The following ITIH2 variants were observed in gnomAD, a reference collection of about 807,000 sequenced individuals.
The protein encoded by ITIH2 is inter-alpha-trypsin inhibitor heavy chain H2.
ITIH2 carries 103 observed loss-of-function variants against 104.4 expected under a neutral mutation model. The observed-to-expected ratio is 0.99, with a 90% CI of 0.84 to 1.16. The LOEUF (loss-of-function observed/expected upper bound fraction) is 1.16. Among genes scored for constraint, ITIH2 ranks in the 50% most tolerant of loss-of-function variants. The pLI, the probability that ITIH2 is intolerant of heterozygous loss-of-function variation, is 0.00. For synonymous variants in ITIH2, 436 were observed against 435.4 expected, an observed-to-expected ratio of 1.00 and a Z score of -0.02; for missense variants, 1,108 against 1,162.4, an observed-to-expected ratio of 0.95 and a Z score of 0.68.
chr10:7,714,973 T>G (rs1834834207), intron 5 of ITIH2, among the ~76,000 whole-genome samples: 1 of 152,098 alleles, frequency 6.6e-6, no homozygotes, highest in Non-Finnish European at 1.5e-5. Flanking sequence ...ATCGCCGGAT[T>G]TTGGTATACT....
rs1427683552 is a variant in ITIH2 at position 7,703,388 on chromosome 10, T to C, written c.-47T>C. The C allele has an allele frequency of 2.3e-6, 3 of 1,307,746 alleles. No individual in the cohort carries two copies. The highest frequency in any genetic ancestry group is 3.3e-6 in the Non-Finnish European group (3 of 900,956). 81.0% of individuals were successfully genotyped at this position (1,307,746 alleles called of 1,614,324 possible). Reference sequence around the variant, plus strand: ...GGTTCAGTAGGAAGAAGTGATATCCTCCCCAGACCATCTGCTTTGGGGAGC... The same window carrying C: ...GGTTCAGTAGGAAGAAGTGATATCCCCCCCAGACCATCTGCTTTGGGGAGC... On this transcript the variant is annotated 5_prime_UTR_variant, in exon 1 of 21. Coordinates refer to ENST00000358415, the MANE Select transcript of ITIH2 (RefSeq NM_002216.3).
At chr10:7,732,994 TG>T (rs1835018540) in intron 14 of ITIH2, among the ~76,000 whole-genome samples, 1 of 152,192 alleles carries the variant, frequency 6.6e-6, no homozygotes, top group South Asian at 2.1e-4. Flanking sequence ...CCCAAAGTAC[TG>T]GGATTACAGG....
At chr10:7,713,954 AC>A (rs1208049560) in intron 5 of ITIH2, among the ~76,000 whole-genome samples, 1 of 152,004 alleles carries the variant, frequency 6.6e-6, no homozygotes, top group Non-Finnish European at 1.5e-5. Flanking sequence ...CTCCCAAAGT[AC>A]TGGGATTACG....
rs759911015 is a variant in ITIH2 at position 7,717,660 on chromosome 10, G to A, written c.502G>A (p.Glu168Lys). 5 of 1,614,016 alleles carry A rather than the reference G, an allele frequency of 3.1e-6. No individual in the cohort carries two copies. Among genetic ancestry groups the A allele is most frequent in the Non-Finnish European group, 3.4e-6 (4 of 1,179,976 alleles). The change falls in exon 6 of 21, where the codon GAA becomes AAA. Residue 168 changes from glutamate to lysine, a missense_variant. Coordinates refer to ENST00000358415, the MANE Select transcript of ITIH2 (RefSeq NM_002216.3). ...TCTTGATATGGAAAACTTCAGAACG[G>A]AAGTAAATGTCCTCCCAGGAGCAAA... ...SALDMENFRT[E>K]VNVLPGAKVQ...
At chr10:7,722,881 G>A (rs535609806) in intron 8 of ITIH2, among the ~76,000 whole-genome samples, 1 of 152,218 alleles carries the variant, frequency 6.6e-6, no homozygotes, top group Non-Finnish European at 1.5e-5. Context: ...CTCCTGACGG[G>A]AGGTGCTCTG....
Position 7,748,521 on chromosome 10 carries a change from C to CTTTTTTTTTTTTTTTTTT in ITIH2, c.2694-646_2694-629dup, listed in dbSNP as rs549517172. Among the ~76,000 whole-genome samples, 31 of 27,132 alleles carry CTTTTTTTTTTTTTTTTTT rather than the reference C, an allele frequency of 1.1e-3. 12 individuals are homozygous for CTTTTTTTTTTTTTTTTTT. The highest frequency in any genetic ancestry group is 1.4e-3 in the Non-Finnish European group (21 of 15,258). The allele number at this position is 27,132 out of a possible 152,430, so 17.8% of individuals were successfully genotyped here. A position where few individuals can be genotyped will look rare whatever the true frequency, so the allele number is the denominator to read the frequency against. On this transcript the variant is annotated intron_variant, in intron 20 of 20. Coordinates refer to ENST00000358415, the MANE Select transcript of ITIH2 (RefSeq NM_002216.3). ...AGTTAAGAGGTGCCGCCAATGCATTCTTTTTTTTTTTTTTTTTTTTTTTTT... is the reference window on the plus strand; with the variant it reads ...AGTTAAGAGGTGCCGCCAATGCATTCTTTTTTTTTTTTTTTTTTTTTTTTTTTTTTTTTTTTTTTTTTT...
chr10:7,739,234 G>A (rs976949849), intron 16 of ITIH2, among the ~76,000 whole-genome samples: 1 of 152,206 alleles, frequency 6.6e-6, no homozygotes, highest in Non-Finnish European at 1.5e-5. Flanking sequence ...AGCTCCTTGC[G>A]TTGCAGCCTT....
chr10:7,703,777 T>G (rs76999034), intron 1 of ITIH2, among the ~76,000 whole-genome samples: 13 of 152,208 alleles, frequency 8.5e-5, no homozygotes, highest in African/African-American at 2.9e-4. Flanking sequence ...AGCTGCTCAC[T>G]CCTCACCTAA....
rs765211393 is a variant in ITIH2 at position 7,738,680 on chromosome 10, T to C, written c.2017T>C (p.Ser673Pro). Residue 673 changes from serine (S) to proline (P), a missense_variant, in exon 16 of 21, where the codon TCA becomes CCA. Physicochemically the swap from Ser to Pro is moderately conservative, Grantham distance 74. Coordinates refer to ENST00000358415, the MANE Select transcript of ITIH2 (RefSeq NM_002216.3). Reference protein sequence around the residue: ...PDSTPSWANPSPTPVISMLAQ... With the variant: ...PDSTPSWANPPPTPVISMLAQ... The stretch of plus-strand genomic sequence containing the variant: ...TTCCACCCCGTCTTGGGCCAATCCT[T>C]CACCAACGCCCGTGATCTCCATGCT... 12 of 1,613,634 alleles carry C rather than the reference T, an allele frequency of 7.4e-6. No individual in the cohort carries two copies. The highest frequency in any genetic ancestry group is 1.3e-5 in the African/African-American group (1 of 74,874).
intron 5 of ITIH2, among the ~76,000 whole-genome samples, chr10:7,713,680 A>T (rs2130940939): frequency 6.6e-6 from 1 of 152,308 alleles, no homozygotes; most frequent in Non-Finnish European, 1.5e-5. Context: ...GACTACTTGT[A>T]GGGATAAGGG....
intron 4 of ITIH2, among the ~76,000 whole-genome samples, chr10:7,710,040 G>T (rs1834782466): frequency 6.6e-6 from 1 of 152,164 alleles, no homozygotes; most frequent in Non-Finnish European, 1.5e-5. Flanking sequence ...TTTTAGTAGA[G>T]ACGGAGTTTC....
rs1368971309 is a variant in ITIH2, at chr10:7,734,974, C to T, written c.1840C>T (p.Gln614Ter). ...AKRRITRSIL[Q>*]MSLDHHIVTP... ...GAGAAGAATTACAAGATCGATCCTG[C>T]AGATGTCTCTAGACCACCACATTGT... The change falls in exon 15 of 21, where the codon CAG becomes TAG. Residue 614 changes from glutamine to a stop codon, truncating the protein, a stop_gained. Coordinates refer to ENST00000358415, the MANE Select transcript of ITIH2 (RefSeq NM_002216.3). LOFTEE classifies it high-confidence loss of function. The T allele has an allele frequency of 1.2e-6, 2 of 1,613,750 alleles. No individual in the cohort carries two copies. Among genetic ancestry groups the T allele is most frequent in the East Asian group, 2.2e-5 (1 of 44,880 alleles).
At chr10:7,748,367 T>C (rs535830898) in intron 20 of ITIH2, among the ~76,000 whole-genome samples, 1 of 149,444 alleles carries the variant, frequency 6.7e-6, no homozygotes, top group African/African-American at 2.4e-5. Flanking sequence ...GGCACAGTGA[T>C]ACTTTTAAGT....
intron 1 of ITIH2, among the ~76,000 whole-genome samples, chr10:7,703,911 G>T (rs1465542430): frequency 6.6e-6 from 1 of 152,188 alleles, no homozygotes; most frequent in Non-Finnish European, 1.5e-5. Flanking sequence ...CTGTTATGAT[G>T]ATGAAGAAAT....
At chr10:7,725,682 G>A (rs1323063453) in intron 9 of ITIH2, among the ~76,000 whole-genome samples, 1 of 152,208 alleles carries the variant, frequency 6.6e-6, no homozygotes, top group East Asian at 1.9e-4. Context: ...GTCCCAGTTT[G>A]GTTTTGGATG....
At chr10:7,708,890 T>C (rs1490365070) in intron 3 of ITIH2, 132 bp from the exon 4 acceptor site, 3 of 777,242 alleles carry the variant, frequency 3.9e-6, no homozygotes, top group Admixed American at 2.1e-5. Flanking sequence ...ATTCTGTCCT[T>C]ACCAAGGCCC....
intron 17 of ITIH2, 104 bp downstream of exon 17, chr10:7,743,363 A>G: frequency 1.5e-6 from 1 of 649,024 alleles, no homozygotes; most frequent in Non-Finnish European, 2.7e-6. Context: ...AGTTCTATAT[A>G]TTTCAGTGAT....
At chr10:7,741,105 G>A (rs553735582) in intron 16 of ITIH2, among the ~76,000 whole-genome samples, 7 of 150,064 alleles carry the variant, frequency 4.7e-5, no homozygotes, top group Non-Finnish European at 8.9e-5. Flanking sequence ...AATTTTCTTC[G>A]AACAGAATAT....
At chr10:7,742,890 T>A (rs556018636) in intron 16 of ITIH2, among the ~76,000 whole-genome samples, 43 of 152,242 alleles carry the variant, frequency 2.8e-4, no homozygotes, top group Non-Finnish European at 4.8e-4. Context: ...TCTAGTCTAG[T>A]GCATACATTT....
Sources: gnomAD v4.1 joint callset for allele counts (sites outside exome capture counted in the v4.1 genomes callset) on GRCh38, gnomAD v4.1.1 for gene constraint, MANE v1.5 for transcripts, NCBI Gene and HGNC (gene_info 2026-07-23, HGNC 2026-07-21) for gene names.